SYT14: variants seen among roughly 807,000 people sequenced by gnomAD.
SYT14 encodes synaptotagmin-14.
SYT14 carries 32 observed loss-of-function variants against 74.2 expected under a neutral mutation model. That is an observed-to-expected ratio of 0.43 (90% CI 0.33 to 0.58). The LOEUF is 0.58. Among genes scored for constraint, SYT14 ranks in the 20% least tolerant of loss-of-function variants. SYT14 has a pLI of 0.05. For missense variants in SYT14, 791 were observed against 981.8 expected, an observed-to-expected ratio of 0.81 and a Z score of 2.60; for synonymous variants, 298 against 337.7, an observed-to-expected ratio of 0.88 and a Z score of 1.29.
At chr1:209,970,488 A>G (rs1278734401) in intron 2 of SYT14, among the ~76,000 whole-genome samples, 1 of 152,000 alleles carries the variant, frequency 6.6e-6, no homozygotes, top group Admixed American at 6.6e-5. Flanking sequence ...GTTTAAAGTC[A>G]GGTAATGTGA....
intron 5 of SYT14, among the ~76,000 whole-genome samples, chr1:210,047,087 G>T (rs1346164650): frequency 6.6e-6 from 1 of 151,974 alleles, no homozygotes; most frequent in African/African-American, 2.4e-5. Context: ...GATAGGTATA[G>T]TTAAATAATT....
At chr1:210,061,029 T>C (rs1418355702) in intron 5 of SYT14, among the ~76,000 whole-genome samples, 2 of 152,082 alleles carry the variant, frequency 1.3e-5, no homozygotes, top group African/African-American at 4.8e-5. Flanking sequence ...CTGAACTAGA[T>C]TCTCTGTCTT....
intron 5 of SYT14, among the ~76,000 whole-genome samples, chr1:210,027,705 A>G (rs2080444540): frequency 6.6e-6 from 1 of 152,054 alleles, no homozygotes; most frequent in Non-Finnish European, 1.5e-5. Flanking sequence ...TCTCTCCTCT[A>G]AGGAATTCTT....
chr1:210,069,584 A>G (rs1293887049), intron 5 of SYT14, among the ~76,000 whole-genome samples: 3 of 151,824 alleles, frequency 2.0e-5, no homozygotes, highest in Admixed American at 6.6e-5. Context: ...AAACTATTTT[A>G]TTTGTTATAA....
chr1:210,132,567 T>TTTTTTG (rs147481736), intron 7 of SYT14, among the ~76,000 whole-genome samples: 3 of 144,998 alleles, frequency 2.1e-5, no homozygotes, highest in Non-Finnish European at 3.0e-5. Context: ...ATTTTATATA[T>TTTTTTG]TGTGTGTGTG....
intron 8 of SYT14, chr1:210,156,962 G>A (rs1463013737): frequency 3.7e-6 from 1 of 273,344 alleles, no homozygotes; most frequent in Non-Finnish European, 8.2e-6. Context: ...CCAAAGTGCT[G>A]GGATTACAGG....
chr1:210,067,587 C>CA (rs1189142672), intron 5 of SYT14, among the ~76,000 whole-genome samples: 1 of 151,640 alleles, frequency 6.6e-6, no homozygotes, highest in East Asian at 1.9e-4. Flanking sequence ...ATTTGAAGAC[C>CA]TCTCTCTATA....
chr1:210,093,767 A>G (rs1021572531), intron 5 of SYT14, among the ~76,000 whole-genome samples: 1 of 152,226 alleles, frequency 6.6e-6, no homozygotes, highest in Non-Finnish European at 1.5e-5. Context: ...CCTGATTCAC[A>G]GTGCACCTCA....
exon 10 of SYT14, chr1:210,165,659 A>G (rs1053139762): frequency 3.3e-5 from 5 of 152,052 alleles, no homozygotes; most frequent in African/African-American, 7.2e-5. Context: ...TTTATTCTCA[A>G]TTTTATTAAG....
chr1:210,126,204 G>GAA (rs200079122), intron 7 of SYT14, among the ~76,000 whole-genome samples: 1 of 144,376 alleles, frequency 6.9e-6, no homozygotes. Context: ...TCCGTCTCAA[G>GAA]AAAAAAAAAA....
chr1:210,123,805 A>G (rs1228832145), intron 7 of SYT14, among the ~76,000 whole-genome samples: 1 of 152,212 alleles, frequency 6.6e-6, no homozygotes, highest in East Asian at 1.9e-4. Context: ...AATCCAGGAT[A>G]AACAGAAAAT....
At chr1:209,968,979 T>G (rs975483109) in intron 2 of SYT14, among the ~76,000 whole-genome samples, 1 of 152,140 alleles carries the variant, frequency 6.6e-6, no homozygotes, top group African/African-American at 2.4e-5. Flanking sequence ...CTCCCACTTA[T>G]AAGTGAGAAT....
Position 210,005,101 on chromosome 1 carries a change from T to G in SYT14, c.-485-8532T>G, listed in dbSNP as rs374722405. 5.3e-5 allele frequency among the ~76,000 whole-genome samples: 8 copies of G among 152,128 alleles called. No individual in the cohort carries two copies. In the South Asian group the frequency reaches 8.3e-4, roughly 16 times the overall value. ...GGTTAGATGAAGCTTTGATTGCCTA[T>G]GTATGTGTTCATACACAGTAAATCT... On this transcript the variant is annotated intron_variant, in intron 2 of 9. Coordinates refer to ENST00000637265, the Ensembl canonical transcript of SYT14.
At chr1:210,030,716 G>C (rs1339345486) in intron 5 of SYT14, among the ~76,000 whole-genome samples, 1 of 152,088 alleles carries the variant, frequency 6.6e-6, no homozygotes, top group Non-Finnish European at 1.5e-5. Context: ...ATGAGGTGAG[G>C]AGTGTTTTAG....
chr1:210,169,221 GTTTTTTTTT>G (rs35974726), exon 10 of SYT14: 1 of 50,240 alleles, frequency 2.0e-5, no homozygotes, highest in Non-Finnish European at 3.8e-5. Flanking sequence ...TGTTTTTGGT[GTTTTTTTTT>G]TTTTTTTTTT....
chr1:209,955,509 G>A, intron 2 of SYT14, among the ~76,000 whole-genome samples: 1 of 151,794 alleles, frequency 6.6e-6, no homozygotes, highest in East Asian at 1.9e-4. Flanking sequence ...TCATCCTGCT[G>A]CTGTCATTGT....
At chr1:209,970,662 CTTTTTTTTTTTTTTTTTTTTTTTTTT>C (rs35639848) in intron 2 of SYT14, among the ~76,000 whole-genome samples, 10 of 62,786 alleles carry the variant, frequency 1.6e-4, no homozygotes, top group Admixed American at 9.1e-4. Flanking sequence ...GGCAGTATGG[CTTTTTTTTTTTTTTTTTTTTTTTTTT>C]TTTTTTTTTT....
At chr1:210,142,352 G>A (rs1042584776) in intron 7 of SYT14, among the ~76,000 whole-genome samples, 2 of 152,218 alleles carry the variant, frequency 1.3e-5, no homozygotes, top group Non-Finnish European at 2.9e-5. Context: ...ACTCCTTGGA[G>A]TGTTGCAGGC....
intron 2 of SYT14, among the ~76,000 whole-genome samples, chr1:209,999,350 T>C (rs982284799): frequency 3.3e-5 from 5 of 152,060 alleles, no homozygotes; most frequent in Non-Finnish European, 7.4e-5. Context: ...TATGGAGATA[T>C]CTCAAAAAAG....
Sources: allele counts gnomAD v4.1 joint callset (sites outside exome capture counted in the v4.1 genomes callset), GRCh38; gene constraint gnomAD v4.1.1; transcripts MANE v1.5; gene names NCBI Gene and HGNC (gene_info 2026-07-23, HGNC 2026-07-21).